The following SLC25A17 variants were observed in gnomAD, a reference collection of about 807,000 sequenced individuals.
The protein encoded by SLC25A17 is peroxisomal membrane protein PMP34.
SLC25A17 carries 26 observed loss-of-function variants against 38.5 expected under a neutral mutation model. The ratio of observed to expected loss-of-function variants is 0.68; its 90% CI spans 0.50 to 0.94. The LOEUF is 0.94. Among genes scored for constraint, SLC25A17 ranks in the 40% least tolerant of loss-of-function variants. The probability of loss-of-function intolerance (pLI) is 0.00; values close to 1 mark genes in which losing one functional copy is unlikely to be tolerated. For missense variants in SLC25A17, 333 were observed against 372.7 expected, an observed-to-expected ratio of 0.89 and a Z score of 0.88; for synonymous variants, 139 against 136.2, an observed-to-expected ratio of 1.02 and a Z score of -0.14.
intron 1 of SLC25A17, among the ~76,000 whole-genome samples, chr22:40,800,199 C>G (rs1282277476): frequency 6.6e-6 from 1 of 151,970 alleles, no homozygotes; most frequent in Admixed American, 6.5e-5. Context: ...AAAAAACAAG[C>G]AAACAACAAG....
Position 40,794,527 on chromosome 22 carries a change from T to C in SLC25A17, c.169A>G (p.Lys57Glu). 1 of 1,610,468 alleles carries C rather than the reference T, an allele frequency of 6.2e-7. No homozygotes were observed. Residue 57 changes from lysine (K) to glutamate (E), a missense_variant, in exon 3 of 9, where the codon AAA (lysine) becomes GAA (glutamate). Coordinates refer to ENST00000435456, the MANE Select transcript of SLC25A17 (RefSeq NM_006358.4). ...GGTAGTACTCACAGTCCTTCTTCTT[T>C]AATGATCTCCAGGAGCACCATGTGT... The part of the protein sequence containing the change: ...TTHMVLLEII[K>E]EEGLLAPYRG...
At chr22:40,776,825 G>A (rs2057248000) in intron 7 of SLC25A17, among the ~76,000 whole-genome samples, 1 of 152,084 alleles carries the variant, frequency 6.6e-6, no homozygotes, top group Non-Finnish European at 1.5e-5. Context: ...AACCTAGGAG[G>A]TCGAGGGTAT....
At chr22:40,779,326 A>T in intron 4 of SLC25A17, 1 of 1,407,950 alleles carries the variant, frequency 7.1e-7, no homozygotes, top group Non-Finnish European at 9.3e-7. Context: ...GCTGATAGCA[A>T]AATGGCTGGC....
intron 8 of SLC25A17, among the ~76,000 whole-genome samples, chr22:40,773,410 CA>C (rs59479764): frequency 0.3 from 22,361 of 74,444 alleles, 854 homozygotes; most frequent in East Asian, 0.51. Flanking sequence ...ACTCTGTCTC[CA>C]AAAAAAAAAA....
chr22:40,782,637 A>C lies in SLC25A17; in HGVS notation c.335-3512T>G, dbSNP rs144358307. ...GTGCAATGACCATGGATATAAGAAA[A>C]TGGCAAAACAAAGGCACAAATCTAA... is the stretch of plus-strand genomic sequence containing the variant. On this transcript the variant is annotated intron_variant, in intron 4 of 8. Coordinates refer to ENST00000435456, the MANE Select transcript of SLC25A17 (RefSeq NM_006358.4). 4.2e-3 allele frequency among the ~76,000 whole-genome samples: 640 copies of C among 152,354 alleles called. 5 individuals are homozygous for C. Among genetic ancestry groups the C allele is most frequent in the African/African-American group, 0.014 (584 of 41,586 alleles).
chr22:40,779,367 G>A (rs945128851), intron 4 of SLC25A17: 2 of 1,037,170 alleles, frequency 1.9e-6, no homozygotes, highest in African/African-American at 1.6e-5. Context: ...AGAGCAATAA[G>A]TTCCCTCATT....
intron 1 of SLC25A17, among the ~76,000 whole-genome samples, chr22:40,804,751 T>C (rs952880359): frequency 1.3e-5 from 2 of 152,188 alleles, no homozygotes; most frequent in Admixed American, 6.6e-5. Context: ...GGTGGGATTA[T>C]GGTTGACATG....
chr22:40,779,257 G>T (rs1429338439), intron 4 of SLC25A17, 132 bp from the exon 5 acceptor site: 3 of 1,526,596 alleles, frequency 2.0e-6, no homozygotes, highest in Non-Finnish European at 8.8e-7. Flanking sequence ...AAGGTAAGGT[G>T]TCTCTTTGTG....
rs112821118 is a variant in SLC25A17 at position 40,785,815 on chromosome 22, TG to T, written c.335-6691del. On this transcript the variant is annotated intron_variant, in intron 4 of 8. Transcript: ENST00000435456. ...TGCCCTGCTAATTGGTTTTTTTTTT[TG>T]GTAGAAATGAGGTCTTGCTATGGTG... is the stretch of plus-strand genomic sequence containing the variant. Among the ~76,000 whole-genome samples the T allele has an allele frequency of 2.2e-3, 333 of 150,986 alleles. 2 individuals are homozygous for T. Among genetic ancestry groups the T allele is most frequent in the African/African-American group, 6.4e-3 (263 of 41,192 alleles).
rs1245441861 is a variant in SLC25A17 at position 40,769,992 on chromosome 22, T to A, written c.*842A>T. On this transcript the variant is annotated 3_prime_UTR_variant, in exon 9 of 9. Coordinates refer to ENST00000435456, the MANE Select transcript of SLC25A17 (RefSeq NM_006358.4). ...AGATAATATCCAGACCTCAACAAGA[T>A]ATCTGCTCCCCTTCTCATTTTTGTG... 1.3e-5 allele frequency: 2 copies of A among 152,204 alleles called. No individual in the cohort carries two copies. Among genetic ancestry groups the A allele is most frequent in the Non-Finnish European group, 2.9e-5 (2 of 68,020 alleles). 9.4% of individuals were successfully genotyped at this position (152,204 alleles called of 1,614,324 possible).
chr22:40,810,508 C>A (rs1048670088), intron 1 of SLC25A17, among the ~76,000 whole-genome samples: 1 of 151,940 alleles, frequency 6.6e-6, no homozygotes, highest in East Asian at 1.9e-4. Context: ...CCACTACGCC[C>A]GGCTGATTTT....
Position 40,770,938 on chromosome 22 carries a change from G to A in SLC25A17, c.820C>T (p.Leu274=). The change falls in exon 9 of 9, where the codon CTG becomes TTG. Residue 274 remains leucine (L), a synonymous_variant. Coordinates refer to ENST00000435456, the MANE Select transcript of SLC25A17 (RefSeq NM_006358.4). The stretch of plus-strand genomic sequence containing the variant: ...GCAGCAGTGAGGACTGTCTGCAGCA[G>A]TTTGGCTTCAAGGCCTTTGTAGAGT... The part of the protein sequence containing the change: ...MGLYKGLEAK[L]LQTVLTAALM... 1 of 1,611,724 alleles carries A rather than the reference G, an allele frequency of 6.2e-7. No homozygotes were observed. Among genetic ancestry groups the A allele is most frequent in the African/African-American group, 1.3e-5 (1 of 75,026 alleles).
In SLC25A17 at chr22:40,794,534, C is replaced by A; in HGVS notation, c.162G>T (p.Glu54Asp). 6.2e-7 allele frequency: 1 copy of A among 1,611,346 alleles called. No homozygotes were observed. Among genetic ancestry groups the A allele is most frequent in the Non-Finnish European group, 8.5e-7 (1 of 1,177,732 alleles). The change falls in exon 3 of 9, where the codon GAG becomes GAT. Residue 54 changes from glutamate (E) to aspartate (D), a missense_variant. By Grantham distance (45) the Glu-to-Asp change is conservative (BLOSUM62 2). Coordinates refer to ENST00000435456, the MANE Select transcript of SLC25A17 (RefSeq NM_006358.4). ...KSKTTHMVLL[E>D]IIKEEGLLAP... is the part of the protein sequence containing the mutation. ...CTCACAGTCCTTCTTCTTTAATGAT[C>A]TCCAGGAGCACCATGTGTGTAGTTT... is the stretch of plus-strand genomic sequence containing the variant.
chr22:40,800,322 C>T (rs1414956375), intron 1 of SLC25A17, among the ~76,000 whole-genome samples: 1 of 152,154 alleles, frequency 6.6e-6, no homozygotes, highest in Non-Finnish European at 1.5e-5. Context: ...TGCATACCCA[C>T]TGGTATAGAT....
At chr22:40,816,103 C>T (rs939014648) in intron 1 of SLC25A17, among the ~76,000 whole-genome samples, 4 of 151,692 alleles carry the variant, frequency 2.6e-5, no homozygotes, top group Admixed American at 2.6e-4. Context: ...GCAGGAGAAT[C>T]GCTTGAACCC....
At chr22:40,781,585 G>A (rs1278293368) in intron 4 of SLC25A17, among the ~76,000 whole-genome samples, 2 of 152,138 alleles carry the variant, frequency 1.3e-5, no homozygotes, top group African/African-American at 2.4e-5. Flanking sequence ...GTACAAAAAT[G>A]TACCACATTA....
At chr22:40,796,819 G>T (rs2057435065) in intron 2 of SLC25A17, among the ~76,000 whole-genome samples, 1 of 152,158 alleles carries the variant, frequency 6.6e-6, no homozygotes, top group Non-Finnish European at 1.5e-5. Flanking sequence ...CAGGGGAAGG[G>T]TGATACAGGT....
intron 2 of SLC25A17, chr22:40,797,441 G>T: frequency 2.0e-6 from 1 of 506,954 alleles, no homozygotes; most frequent in Non-Finnish European, 3.8e-6. Flanking sequence ...TTGAGTATGT[G>T]GCTCCAGTAT....
chr22:40,803,470 A>G lies in SLC25A17; in HGVS notation c.55-4387T>C, dbSNP rs139189235. On this transcript the variant is annotated intron_variant, in intron 1 of 8. Coordinates refer to ENST00000435456, the MANE Select transcript of SLC25A17 (RefSeq NM_006358.4). ...TTTATTGTCCAGGTTCATCCATGTC[A>G]CCACAAATGGCAGGATTTCATTCTG... is the stretch of plus-strand genomic sequence containing the variant. Among the ~76,000 whole-genome samples the G allele has an allele frequency of 5.5e-3, 839 of 152,310 alleles. 5 individuals carry two copies. The highest frequency in any genetic ancestry group is 0.019 in the African/African-American group (807 of 41,554).
Sources: gnomAD v4.1 joint callset for allele counts (sites outside exome capture counted in the v4.1 genomes callset) on GRCh38, gnomAD v4.1.1 for gene constraint, MANE v1.5 for transcripts, NCBI Gene and HGNC (gene_info 2026-07-23, HGNC 2026-07-21) for gene names.